LIN7A: variants seen among roughly 807,000 people sequenced by gnomAD.
LIN7A encodes protein lin-7 homolog A.
LIN7A carries 25 observed loss-of-function variants against 29.8 expected under a neutral mutation model. That is an observed-to-expected ratio of 0.84 (90% CI 0.61 to 1.17). The LOEUF (loss-of-function observed/expected upper bound fraction) is 1.17, where lower values mean the gene tolerates loss of function less well. Among genes scored for constraint, LIN7A ranks in the 50% most tolerant of loss-of-function variants. The pLI is 0.00. For synonymous variants in LIN7A, 118 were observed against 107.5 expected (o/e 1.10, Z -0.60); for missense variants, 239 against 287.0 (o/e 0.83, Z 1.21).
At chr12:80,860,140 T>C (rs989711625) in intron 2 of LIN7A, among the ~76,000 whole-genome samples, 3 of 152,204 alleles carry the variant, frequency 2.0e-5, no homozygotes, top group Admixed American at 6.5e-5. Flanking sequence ...GATAAATTCA[T>C]TGAAGTAGAT....
chr12:80,901,189 T>A (rs745476480), intron 1 of LIN7A, among the ~76,000 whole-genome samples: 1 of 152,160 alleles, frequency 6.6e-6, no homozygotes, highest in Non-Finnish European at 1.5e-5. Context: ...AGCAATATGA[T>A]ATAACTCAAC....
chr12:80,827,919 G>A (rs552381582), intron 4 of LIN7A, among the ~76,000 whole-genome samples: 96 of 151,748 alleles, frequency 6.3e-4, no homozygotes, highest in African/African-American at 2.0e-3. Flanking sequence ...CATTCTGGAC[G>A]TTTTTTTTGT....
chr12:80,833,898 G>A lies in LIN7A; in HGVS notation c.483+11832C>T, dbSNP rs544620905. Reference sequence around the variant, plus strand: ...TCCACAGTACCAAATGGCAATAACCGGCTAGAATTGTAATAGGGCATTTCT... The same window carrying A: ...TCCACAGTACCAAATGGCAATAACCAGCTAGAATTGTAATAGGGCATTTCT... On this transcript the variant is annotated intron_variant, in intron 4 of 5. Transcript: ENST00000552864. Among the ~76,000 whole-genome samples the A allele has an allele frequency of 3.0e-4, 46 of 152,192 alleles. 1 individual carries two copies. In the South Asian group the frequency reaches 8.9e-3, roughly 30 times the overall value.
chr12:80,808,951 C>G (rs1005145927), intron 5 of LIN7A, among the ~76,000 whole-genome samples: 1 of 151,372 alleles, frequency 6.6e-6, no homozygotes, highest in African/African-American at 2.4e-5. Flanking sequence ...ATCTTTTCCC[C>G]CCTTTTCTGT....
intron 2 of LIN7A, among the ~76,000 whole-genome samples, chr12:80,858,059 G>A (rs141747971): frequency 3.9e-5 from 6 of 152,172 alleles, no homozygotes; most frequent in Non-Finnish European, 8.8e-5. Context: ...GAGGCATCAG[G>A]ACTATAGGTA....
chr12:80,936,929 T>C (rs924078864), intron 1 of LIN7A: 1 of 151,952 alleles, frequency 6.6e-6, no homozygotes, highest in Admixed American at 6.5e-5. Flanking sequence ...AGCCGAGAGT[T>C]GCTATCGACC....
chr12:80,908,003 C>T (rs1385962234), intron 1 of LIN7A, among the ~76,000 whole-genome samples: 1 of 151,922 alleles, frequency 6.6e-6, no homozygotes, highest in Non-Finnish European at 1.5e-5. Context: ...AAACCAAAAC[C>T]AAGTAAGATA....
chr12:80,829,051 A>T (rs1872219060), intron 4 of LIN7A, among the ~76,000 whole-genome samples: 2 of 152,216 alleles, frequency 1.3e-5, no homozygotes, highest in South Asian at 2.1e-4. Flanking sequence ...TCATCCCATA[A>T]GGATCATGAG....
chr12:80,868,637 C>A (rs1474414763), intron 2 of LIN7A, among the ~76,000 whole-genome samples: 1 of 152,160 alleles, frequency 6.6e-6, no homozygotes, highest in Non-Finnish European at 1.5e-5. Flanking sequence ...GGACTTAAAT[C>A]TTTTCTTCAT....
At chr12:80,894,044 G>T (rs957795441) in intron 1 of LIN7A, among the ~76,000 whole-genome samples, 1 of 152,140 alleles carries the variant, frequency 6.6e-6, no homozygotes, top group Non-Finnish European at 1.5e-5. Context: ...ATTCCCTTAA[G>T]TTCTATAAGA....
chr12:80,841,391 G>T (rs1230206616), intron 4 of LIN7A, among the ~76,000 whole-genome samples: 2 of 147,028 alleles, frequency 1.4e-5, no homozygotes, highest in South Asian at 4.3e-4. Context: ...AAGGAAGGAA[G>T]GAAGGAAGGA....
intron 4 of LIN7A, among the ~76,000 whole-genome samples, chr12:80,841,166 T>C (rs1872786876): frequency 6.6e-6 from 1 of 152,060 alleles, no homozygotes; most frequent in South Asian, 2.1e-4. Flanking sequence ...GGTGAGCTTA[T>C]TTTTCTTTGC....
At chr12:80,930,351 CT>C (rs1209018457) in intron 1 of LIN7A, among the ~76,000 whole-genome samples, 5 of 151,204 alleles carry the variant, frequency 3.3e-5, no homozygotes, top group South Asian at 2.1e-4. Context: ...AAAATTCAAT[CT>C]TTTTTTTTAA....
intron 2 of LIN7A, among the ~76,000 whole-genome samples, chr12:80,882,509 C>T (rs915383270): frequency 3.3e-5 from 5 of 151,218 alleles, no homozygotes; most frequent in African/African-American, 1.2e-4. Context: ...TGGTCTCGAT[C>T]TCCTGACCTC....
intron 4 of LIN7A, among the ~76,000 whole-genome samples, chr12:80,814,831 T>C (rs1871457275): frequency 6.6e-6 from 1 of 152,192 alleles, no homozygotes; most frequent in South Asian, 2.1e-4. Flanking sequence ...ACTCAGATTC[T>C]CTTTAAGGCT....
intron 1 of LIN7A, among the ~76,000 whole-genome samples, chr12:80,920,127 G>A (rs76515596): frequency 0.051 from 7,738 of 152,192 alleles, 248 homozygotes; most frequent in Middle Eastern, 0.088. Context: ...ACCAGTCTCC[G>A]TCCCAACTAT....
At position 80,893,183 on chromosome 12, in the gene LIN7A, G is replaced by C. The variant is rs150462669; in HGVS notation, c.83-3814C>G. On this transcript the variant is annotated intron_variant, in intron 1 of 5. Coordinates refer to ENST00000552864, the MANE Select transcript of LIN7A (RefSeq NM_004664.4). Reference sequence around the variant, plus strand: ...GTACTCTCTATTATTCTTTAATACAGTGTGTAACATGGTGCTGAATGGGAT... The same window carrying C: ...GTACTCTCTATTATTCTTTAATACACTGTGTAACATGGTGCTGAATGGGAT... Among the ~76,000 whole-genome samples the C allele has an allele frequency of 2.0e-4, 30 of 152,236 alleles. No individual in the cohort carries two copies. The East Asian group carries it at 5.4e-3, about 27-fold the overall frequency.
intron 1 of LIN7A, among the ~76,000 whole-genome samples, chr12:80,919,358 G>A (rs1877184316): frequency 6.6e-6 from 1 of 152,194 alleles, no homozygotes; most frequent in South Asian, 2.1e-4. Context: ...CAGGCTCCCT[G>A]ACCTGTGGGA....
At chr12:80,911,985 A>G (rs1442917845) in intron 1 of LIN7A, among the ~76,000 whole-genome samples, 1 of 143,930 alleles carries the variant, frequency 6.9e-6, no homozygotes. Flanking sequence ...ATCACATTTT[A>G]TTAATGCTTT....
Sources: allele counts gnomAD v4.1 joint callset (sites outside exome capture counted in the v4.1 genomes callset), GRCh38; gene constraint gnomAD v4.1.1; transcripts MANE v1.5; gene names NCBI Gene and HGNC (gene_info 2026-07-23, HGNC 2026-07-21).